MYO5C: variants seen among roughly 807,000 people sequenced by gnomAD.
The protein encoded by MYO5C is myosin VC, also known as unconventional myosin-Vc.
Under a neutral mutation model 235.7 loss-of-function variants are expected in MYO5C, and 194 were observed. The ratio of observed to expected loss-of-function variants is 0.82; its 90% CI spans 0.73 to 0.93. The LOEUF is 0.93. MYO5C is among the 40% of genes least tolerant of loss of function. The pLI, the probability that MYO5C is intolerant of heterozygous loss-of-function variation, is 0.00. For synonymous variants in MYO5C, 707 were observed against 754.8 expected (o/e 0.94, Z 1.04); for missense variants, 2,038 against 2,127.2 (o/e 0.96, Z 0.82).
intron 19 of MYO5C, 46 bp downstream of exon 19, chr15:52,244,309 CA>C (rs1340590373): frequency 1.3e-6 from 2 of 1,579,728 alleles, no homozygotes; most frequent in East Asian, 4.5e-5. Context: ...AGATGATCAG[CA>C]CAGAAAGCCC....
In MYO5C at chr15:52,193,770, G is replaced by A. The variant is rs2034986425; in HGVS notation, c.*132C>T. 1 of 882,738 alleles carries A rather than the reference G, an allele frequency of 1.1e-6. No individual in the cohort carries two copies. Among genetic ancestry groups the A allele is most frequent in the Non-Finnish European group, 1.7e-6 (1 of 576,604 alleles). The allele number at this position is 882,738 out of a possible 1,614,324, so 54.7% of individuals were successfully genotyped here. ...TGTCACTGTGAGTGAGAGATGATGTGGTCCATTTGAGAAAAGTCTGTTTTC... is the reference window on the plus strand; with the variant it reads ...TGTCACTGTGAGTGAGAGATGATGTAGTCCATTTGAGAAAAGTCTGTTTTC... On this transcript the variant is annotated 3_prime_UTR_variant, in exon 41 of 41. Coordinates refer to ENST00000261839, the MANE Select transcript of MYO5C (RefSeq NM_018728.4).
chr15:52,287,924 CAAGATCTTGCCATT>C (rs2037310978), intron 1 of MYO5C, among the ~76,000 whole-genome samples: 1 of 151,164 alleles, frequency 6.6e-6, no homozygotes, highest in Non-Finnish European at 1.5e-5. Context: ...TTCTGTGAGG[CAAGATCTTGCCATT>C]GCACTGCAGC....
rs976441930 is a variant in MYO5C, at chr15:52,248,412, C to T, written c.1746+288G>A. On this transcript the variant is annotated intron_variant, in intron 14 of 40. Coordinates refer to ENST00000261839, the MANE Select transcript of MYO5C (RefSeq NM_018728.4). ...CCACCCGCCTCTGCCTCCCAAAATG[C>T]GGGGATTACAGGCGTGAGCCACCAC... 7.9e-5 allele frequency among the ~76,000 whole-genome samples: 12 copies of T among 152,154 alleles called. 1 individual carries two copies. Among genetic ancestry groups the T allele is most frequent in the South Asian group, 4.1e-4 (2 of 4,828 alleles).
At chr15:52,199,721 G>A (rs1596129833) in intron 38 of MYO5C, among the ~76,000 whole-genome samples, 1 of 151,978 alleles carries the variant, frequency 6.6e-6, no homozygotes, top group South Asian at 2.1e-4. Context: ...ATCCCATGTC[G>A]ACAGCAGTGG....
chr15:52,288,192 G>A (rs1402909141), intron 1 of MYO5C, among the ~76,000 whole-genome samples: 1 of 152,126 alleles, frequency 6.6e-6, no homozygotes, highest in Non-Finnish European at 1.5e-5. Context: ...ACAGCAGACA[G>A]AGTCTCAAAG....
Position 52,224,990 on chromosome 15 carries a change from TAAGG to T in MYO5C, c.3366-13_3366-10del. On this transcript the variant is annotated splice_polypyrimidine_tract_variant and intron_variant, in intron 27 of 40. Coordinates refer to ENST00000261839, the MANE Select transcript of MYO5C (RefSeq NM_018728.4). ...GATCTTCCACAGAGAGCCTGCAAAA[TAAGG>T]AAGATAAGAAAATCTATCATCTCTG... The T allele has an allele frequency of 3.7e-6, 6 of 1,613,872 alleles. No individual in the cohort carries two copies. The highest frequency in any genetic ancestry group is 5.1e-6 in the Non-Finnish European group (6 of 1,179,888).
At chr15:52,198,588 T>G (rs66757864) in intron 38 of MYO5C, among the ~76,000 whole-genome samples, 26,330 of 152,066 alleles carry the variant, frequency 0.17, 2,571 homozygotes, top group Admixed American at 0.31. Flanking sequence ...TTGTTTGTTT[T>G]TTTGTTTGTT....
intron 17 of MYO5C, 88 bp from the exon 18 acceptor site, chr15:52,245,553 C>T: frequency 2.2e-6 from 2 of 909,100 alleles, no homozygotes; most frequent in Admixed American, 3.4e-5. Flanking sequence ...CCACTGTTGT[C>T]ATAGGGCGGG....
chr15:52,236,406 G>A (rs2036086592), intron 22 of MYO5C, among the ~76,000 whole-genome samples: 1 of 152,212 alleles, frequency 6.6e-6, no homozygotes, highest in South Asian at 2.1e-4. Flanking sequence ...GGGCACGGTG[G>A]CTCACACCTG....
intron 32 of MYO5C, among the ~76,000 whole-genome samples, chr15:52,216,150 A>G (rs2035545320): frequency 6.6e-6 from 1 of 152,206 alleles, no homozygotes; most frequent in Admixed American, 6.5e-5. Context: ...GCAACCATGT[A>G]TGACAGTGCC....
At position 52,237,786 on chromosome 15, in the gene MYO5C, T is replaced by C; in HGVS notation, c.2704-140A>G. 5.3e-6 allele frequency: 4 copies of C among 749,964 alleles called. No homozygotes were observed. The South Asian group carries it at 7.7e-5, about 14-fold the overall frequency. 46.5% of individuals were successfully genotyped at this position (749,964 alleles called of 1,614,324 possible). Reference sequence around the variant, plus strand: ...TCACACTTATCACTGCACTGACATTTGTTAGCATCTTCTTTGTGGTGAAAC... The same window carrying C: ...TCACACTTATCACTGCACTGACATTCGTTAGCATCTTCTTTGTGGTGAAAC... On this transcript the variant is annotated intron_variant, in intron 21 of 40. Coordinates refer to ENST00000261839, the MANE Select transcript of MYO5C (RefSeq NM_018728.4).
At chr15:52,223,456 T>C (rs2035746479) in intron 29 of MYO5C, 88 bp downstream of exon 29, 1 of 1,299,914 alleles carries the variant, frequency 7.7e-7, no homozygotes. Context: ...ATCCACTCTT[T>C]TACTGCCAAG....
At chr15:52,257,928 C>A (rs2036616655) in intron 10 of MYO5C, among the ~76,000 whole-genome samples, 5 of 152,218 alleles carry the variant, frequency 3.3e-5, no homozygotes, top group Non-Finnish European at 7.3e-5. Context: ...CTCTAGACAG[C>A]TCCAGGGTGA....
In MYO5C at chr15:52,208,572, C is replaced by T. The variant is rs778121547; in HGVS notation, c.4368G>A (p.Lys1456=). ...SNTCHFLNCL[K]QYSGEEEFMK... ...CCCCTACCTCTTCTCCGCTGTACTG[C>T]TTCAGGCAATTGAGAAAATGACAAG... Residue 1456 remains lysine, a synonymous_variant, in exon 36 of 41, where the codon AAG becomes AAA. Transcript: ENST00000261839. The T allele has an allele frequency of 2.5e-6, 4 of 1,614,012 alleles. No homozygotes were observed. The highest frequency in any genetic ancestry group is 3.4e-6 in the Non-Finnish European group (4 of 1,180,018).
At chr15:52,293,950 C>T (rs1443998028) in intron 1 of MYO5C, among the ~76,000 whole-genome samples, 1 of 152,214 alleles carries the variant, frequency 6.6e-6, no homozygotes, top group East Asian at 1.9e-4. Context: ...GCTAACTGCC[C>T]ACCAGGAAGG....
intron 16 of MYO5C, among the ~76,000 whole-genome samples, chr15:52,246,478 G>A (rs1347697043): frequency 1.3e-5 from 2 of 152,112 alleles, no homozygotes; most frequent in Non-Finnish European, 2.9e-5. Context: ...TCCCCCTTTA[G>A]GCACCTCTTT....
chr15:52,244,282 TGA>T, intron 19 of MYO5C, 72 bp downstream of exon 19: 1 of 1,464,254 alleles, frequency 6.8e-7, no homozygotes, highest in African/African-American at 1.4e-5. Context: ...TTGTCCTTGA[TGA>T]GTCCTCCCCG....
chr15:52,202,766 G>A (rs1371401675), intron 38 of MYO5C, among the ~76,000 whole-genome samples: 3 of 152,126 alleles, frequency 2.0e-5, no homozygotes, highest in African/African-American at 7.2e-5. Flanking sequence ...TGTGGGAATG[G>A]TCTATGGGGA....
rs774686743 is a variant in MYO5C at position 52,242,071 on chromosome 15, G to C, written c.2533C>G (p.Leu845Val). The change falls in exon 20 of 41, where the codon CTG (leucine) becomes GTG (valine). Residue 845 changes from leucine (L) to valine (V), a missense_variant. Coordinates refer to ENST00000261839, the MANE Select transcript of MYO5C (RefSeq NM_018728.4). ...ITMQAYSRGF[L>V]ARRRYRKMLE... ...ACCTTTCGATACCTCCTCCTTGCCAGGAATCCTCGGCTGTAGGCCTGCATT... is the reference window on the plus strand; with the variant it reads ...ACCTTTCGATACCTCCTCCTTGCCACGAATCCTCGGCTGTAGGCCTGCATT... 1.2e-6 allele frequency: 2 copies of C among 1,613,012 alleles called. No individual in the cohort carries two copies. Among genetic ancestry groups the C allele is most frequent in the Non-Finnish European group, 1.7e-6 (2 of 1,179,472 alleles).
Sources: gnomAD v4.1 joint callset for allele counts (sites outside exome capture counted in the v4.1 genomes callset) on GRCh38, gnomAD v4.1.1 for gene constraint, MANE v1.5 for transcripts, NCBI Gene and HGNC (gene_info 2026-07-23, HGNC 2026-07-21) for gene names.